Variants in TLL1 observed in about 807,000 individuals in gnomAD.
The protein encoded by TLL1 is tolloid like 1, also known as tolloid-like protein 1.
A neutral mutation model predicts 128.2 loss-of-function variants in TLL1; 49 were observed. The observed-to-expected ratio is 0.38, with a 90% CI of 0.30 to 0.48. TLL1 has a LOEUF of 0.48. Ranked by LOEUF, TLL1 falls within the 20% of genes least tolerant of loss-of-function variation. The pLI, the probability that TLL1 is intolerant of heterozygous loss-of-function variation, is 0.96. For synonymous variants in TLL1, 454 were observed against 418.8 expected (o/e 1.08, Z -1.03); for missense variants, 1,123 against 1,242.0 (o/e 0.90, Z 1.44).
chr4:165,899,289 C>G (rs893873875), intron 1 of TLL1, among the ~76,000 whole-genome samples: 1 of 151,890 alleles, frequency 6.6e-6, no homozygotes, highest in Middle Eastern at 3.2e-3. Context: ...GCTCTTACTT[C>G]TTTAGTTCTT....
intron 1 of TLL1, among the ~76,000 whole-genome samples, chr4:165,984,199 A>G (rs1045909460): frequency 2.6e-5 from 4 of 151,908 alleles, no homozygotes; most frequent in African/African-American, 9.7e-5. Flanking sequence ...CTGATTCTAT[A>G]TAAAATATGT....
intron 15 of TLL1, among the ~76,000 whole-genome samples, chr4:166,060,845 C>T (rs1740275897): frequency 1.3e-5 from 2 of 152,176 alleles, no homozygotes; most frequent in African/African-American, 2.4e-5. Context: ...GAAATGGGAA[C>T]TTTTAGAAAA....
At chr4:166,040,921 A>G (rs796498203) in intron 10 of TLL1, among the ~76,000 whole-genome samples, 6 of 152,354 alleles carry the variant, frequency 3.9e-5, no homozygotes, top group African/African-American at 1.4e-4. Flanking sequence ...ACATGTTTGT[A>G]GAATTATTGC....
intron 1 of TLL1, among the ~76,000 whole-genome samples, chr4:165,915,005 C>T (rs1414174062): frequency 6.6e-6 from 1 of 152,200 alleles, no homozygotes; most frequent in Non-Finnish European, 1.5e-5. Flanking sequence ...GGTTCAAACT[C>T]TTCCCACCAG....
At chr4:165,917,463 G>A (rs1476999468) in intron 1 of TLL1, among the ~76,000 whole-genome samples, 5 of 152,042 alleles carry the variant, frequency 3.3e-5, no homozygotes, top group African/African-American at 1.2e-4. Flanking sequence ...GTATCCTATG[G>A]CTCTTAGTAT....
At chr4:166,034,219 G>A (rs1247490479) in intron 9 of TLL1, among the ~76,000 whole-genome samples, 1 of 152,144 alleles carries the variant, frequency 6.6e-6, no homozygotes, top group Non-Finnish European at 1.5e-5. Flanking sequence ...GGAAAGCTCA[G>A]ATCTTGTTGG....
At chr4:165,974,772 G>C (rs1349739459) in intron 1 of TLL1, among the ~76,000 whole-genome samples, 1 of 152,164 alleles carries the variant, frequency 6.6e-6, no homozygotes, top group East Asian at 1.9e-4. Context: ...AACAACCCAG[G>C]ATGGGATTCT....
At chr4:165,956,257 G>A (rs933809463) in intron 1 of TLL1, among the ~76,000 whole-genome samples, 14 of 152,028 alleles carry the variant, frequency 9.2e-5, no homozygotes, top group African/African-American at 3.1e-4. Context: ...AGAAAACAGG[G>A]TTCGAGAGCA....
chr4:166,075,087 C>T, intron 17 of TLL1, 84 bp downstream of exon 17: 1 of 1,568,368 alleles, frequency 6.4e-7, no homozygotes, highest in South Asian at 1.1e-5. Flanking sequence ...TAGAGTTAAT[C>T]ATTTCAATGA....
At position 165,873,301 on chromosome 4, in the gene TLL1, T is replaced by G. The variant is rs1730571900; in HGVS notation, c.-604T>G. The stretch of plus-strand genomic sequence containing the variant: ...TGCAGTCAGTTGCTTTGCTGGCTTC[T>G]GCAGGCTTTTAAGGTCTCGCGGCGT... On this transcript the variant is annotated 5_prime_UTR_variant, in exon 1 of 21. Coordinates refer to ENST00000061240, the MANE Select transcript of TLL1 (RefSeq NM_012464.5). 6.5e-6 allele frequency: 1 copy of G among 152,944 alleles called. No individual in the cohort carries two copies. The allele number at this position is 152,944 out of a possible 1,614,324, so 9.5% of individuals were successfully genotyped here.
At chr4:166,030,436 T>C (rs1212087262) in intron 9 of TLL1, 1 of 571,358 alleles carries the variant, frequency 1.8e-6, no homozygotes, top group South Asian at 2.3e-5. Context: ...TTGCATATAT[T>C]TTCTCCTCCT....
intron 12 of TLL1, among the ~76,000 whole-genome samples, chr4:166,045,494 A>G (rs1279037414): frequency 6.6e-6 from 1 of 151,976 alleles, no homozygotes; most frequent in African/African-American, 2.4e-5. Flanking sequence ...CACTGTTCTC[A>G]TCATCACCCC....
chr4:166,059,997 G>A, intron 14 of TLL1, 31 bp from the exon 15 acceptor site: 1 of 1,612,462 alleles, frequency 6.2e-7, no homozygotes, highest in Non-Finnish European at 8.5e-7. Flanking sequence ...TTCATGGGGA[G>A]AATATACCTT....
chr4:166,083,970 T>C (rs1741395073), intron 18 of TLL1, among the ~76,000 whole-genome samples: 1 of 152,170 alleles, frequency 6.6e-6, no homozygotes, highest in Non-Finnish European at 1.5e-5. Context: ...TCCATACTTT[T>C]TTCTGATGGC....
intron 9 of TLL1, chr4:166,030,461 T>G: frequency 3.3e-6 from 2 of 604,808 alleles, no homozygotes; most frequent in Middle Eastern, 5.0e-4. Context: ...AGGTTGTATT[T>G]TCACTCTGTT....
intron 1 of TLL1, among the ~76,000 whole-genome samples, chr4:165,883,083 G>C (rs17632988): frequency 0.11 from 16,296 of 152,092 alleles, 964 homozygotes; most frequent in East Asian, 0.17. Context: ...AGTAAGAACA[G>C]ATCTCTGGCA....
rs186489893 is a variant in TLL1, at chr4:166,059,883, G to A, written c.1847-145G>A. 2.4e-4 allele frequency: 225 copies of A among 933,480 alleles called. No homozygotes were observed. The African/African-American group carries it at 3.1e-3, about 13-fold the overall frequency. The allele number at this position is 933,480 out of a possible 1,614,324, so 57.8% of individuals were successfully genotyped here. On this transcript the variant is annotated intron_variant, in intron 14 of 20. Coordinates refer to ENST00000061240, the MANE Select transcript of TLL1 (RefSeq NM_012464.5). Reference sequence around the variant, plus strand: ...ACAATACTTGTATCAAGACTAAGGAGCAGAGACTGCCATTTCTGGATTTTA... The same window carrying A: ...ACAATACTTGTATCAAGACTAAGGAACAGAGACTGCCATTTCTGGATTTTA...
At chr4:165,952,301 G>A (rs1298397698) in intron 1 of TLL1, among the ~76,000 whole-genome samples, 3 of 152,028 alleles carry the variant, frequency 2.0e-5, no homozygotes, top group African/African-American at 7.2e-5. Flanking sequence ...AAAATATTAT[G>A]GATTCAGTAT....
chr4:165,910,868 C>G (rs1441903646), intron 1 of TLL1, among the ~76,000 whole-genome samples: 1 of 152,110 alleles, frequency 6.6e-6, no homozygotes, highest in East Asian at 1.9e-4. Context: ...TGATGAAACC[C>G]AAGCCTGAGT....
Sources: gnomAD v4.1 joint callset for allele counts (sites outside exome capture counted in the v4.1 genomes callset) on GRCh38, gnomAD v4.1.1 for gene constraint, MANE v1.5 for transcripts, NCBI Gene and HGNC (gene_info 2026-07-23, HGNC 2026-07-21) for gene names.